The following DOCK3 variants were observed in gnomAD, a reference collection of about 807,000 sequenced individuals.
DOCK3 encodes the protein dedicator of cytokinesis protein 3.
DOCK3 carries 60 observed loss-of-function variants against 265.6 expected under a neutral mutation model. That is an observed-to-expected ratio of 0.23 (90% confidence interval 0.18 to 0.28). The LOEUF (loss-of-function observed/expected upper bound fraction) is 0.28, where lower values mean the gene tolerates loss of function less well. Ranked by LOEUF, DOCK3 falls within the 10% of genes least tolerant of loss-of-function variation. The pLI is 1.00. For missense variants in DOCK3, 1,981 were observed against 2,594.3 expected (o/e 0.76, Z 5.14); for synonymous variants, 881 against 938.0 (o/e 0.94, Z 1.11).
intron 22 of DOCK3, among the ~76,000 whole-genome samples, chr3:51,248,850 G>T (rs1408604939): frequency 7.5e-6 from 1 of 133,948 alleles, no homozygotes; most frequent in Admixed American, 7.3e-5. Context: ...CCGCCGCCCC[G>T]TCTGGGATGT....
intron 3 of DOCK3, among the ~76,000 whole-genome samples, chr3:50,889,181 C>T (rs1163540281): frequency 2.0e-5 from 3 of 151,290 alleles, no homozygotes; most frequent in Non-Finnish European, 2.9e-5. Context: ...ACTGTAGCCC[C>T]AAACTTCTGG....
intron 4 of DOCK3, among the ~76,000 whole-genome samples, chr3:50,898,332 T>A (rs2048992984): frequency 6.6e-6 from 1 of 152,224 alleles, no homozygotes; most frequent in African/African-American, 2.4e-5. Flanking sequence ...ATATCCCCTT[T>A]ATCACACTTT....
chr3:50,692,692 C>A (rs919529605), intron 1 of DOCK3, among the ~76,000 whole-genome samples: 7 of 152,254 alleles, frequency 4.6e-5, no homozygotes, highest in Admixed American at 4.6e-4. Flanking sequence ...TGCCTTTTCA[C>A]TGTGTTGATG....
In DOCK3 at chr3:51,091,583, T is replaced by C. The variant is rs1433466335; in HGVS notation, c.746+1199T>C. Among the ~76,000 whole-genome samples, 5 of 148,694 alleles carry C rather than the reference T, an allele frequency of 3.4e-5. No homozygotes were observed. The Middle Eastern group carries it at 0.011, about 321-fold the overall frequency. On this transcript the variant is annotated intron_variant, in intron 9 of 52. Coordinates refer to ENST00000266037, the MANE Select transcript of DOCK3 (RefSeq NM_004947.5). ...CTGTAAGCCCAGCTATTCAGGAGGC[T>C]GAGGCAGGAAAATCGCTTCAACCTG...
At chr3:51,379,909 A>G (rs1205706498) in intron 51 of DOCK3, among the ~76,000 whole-genome samples, 4 of 152,216 alleles carry the variant, frequency 2.6e-5, no homozygotes, top group African/African-American at 9.7e-5. Context: ...GAAGCACTCA[A>G]CTTCTCTGAC....
At chr3:50,925,829 T>TTTTTTTTTTTTTTTTTTG (rs2050727776) in intron 4 of DOCK3, among the ~76,000 whole-genome samples, 1 of 115,316 alleles carries the variant, frequency 8.7e-6, no homozygotes, top group Admixed American at 1.2e-4. Context: ...CTAGTCTTTT[T>TTTTTTTTTTTTTTTTTTG]TTTTTTTTTT....
chr3:51,196,749 A>G (rs113258435), intron 12 of DOCK3, among the ~76,000 whole-genome samples: 2,040 of 152,266 alleles, frequency 0.013, 53 homozygotes, highest in African/African-American at 0.045. Context: ...TTAAAAAACT[A>G]TGTCTTTGGT....
At chr3:51,234,245 A>G (rs1270087711) in intron 19 of DOCK3, among the ~76,000 whole-genome samples, 4 of 152,314 alleles carry the variant, frequency 2.6e-5, no homozygotes, top group Admixed American at 6.5e-5. Flanking sequence ...ATGATTAGTG[A>G]TGATGAGCAT....
intron 3 of DOCK3, among the ~76,000 whole-genome samples, chr3:50,882,628 A>G (rs1359711414): frequency 6.6e-6 from 1 of 152,198 alleles, no homozygotes; most frequent in African/African-American, 2.4e-5. Context: ...CAGGTATTGG[A>G]GAAGTTGTGG....
chr3:50,803,610 G>A (rs571220423), intron 2 of DOCK3, among the ~76,000 whole-genome samples: 21 of 125,260 alleles, frequency 1.7e-4, no homozygotes, highest in Admixed American at 9.8e-4. Context: ...ACGGGGTGGC[G>A]GCCGGGCAGA....
At chr3:50,843,378 A>C (rs2045932647) in intron 3 of DOCK3, among the ~76,000 whole-genome samples, 1 of 152,178 alleles carries the variant, frequency 6.6e-6, no homozygotes, top group Non-Finnish European at 1.5e-5. Flanking sequence ...TAGGCCACCA[A>C]GATAACCAGA....
chr3:50,964,818 A>G (rs1308087969), intron 5 of DOCK3, among the ~76,000 whole-genome samples: 1 of 152,148 alleles, frequency 6.6e-6, no homozygotes, highest in Non-Finnish European at 1.5e-5. Context: ...ATAATAAAAA[A>G]TGAACACACT....
At chr3:51,012,400 C>CTG (rs2078987992) in intron 5 of DOCK3, among the ~76,000 whole-genome samples, 1 of 152,304 alleles carries the variant, frequency 6.6e-6, no homozygotes, top group East Asian at 1.9e-4. Flanking sequence ...TCTCAGACTG[C>CTG]TGTGCTAGCA....
At chr3:50,984,809 T>A (rs1448826671) in intron 5 of DOCK3, among the ~76,000 whole-genome samples, 1 of 152,080 alleles carries the variant, frequency 6.6e-6, no homozygotes, top group African/African-American at 2.4e-5. Flanking sequence ...AAAAAATAAA[T>A]AAAACAAAAC....
intron 4 of DOCK3, among the ~76,000 whole-genome samples, chr3:50,927,834 T>G (rs2050844383): frequency 6.6e-6 from 1 of 152,120 alleles, no homozygotes; most frequent in Non-Finnish European, 1.5e-5. Flanking sequence ...GGGAAGGGGA[T>G]TATGAGGCAG....
chr3:51,278,297 C>T, intron 26 of DOCK3: 1 of 985,322 alleles, frequency 1.0e-6, no homozygotes, highest in South Asian at 4.7e-5. Flanking sequence ...AGAAGAGAAA[C>T]AAACTGGGAA....
intron 5 of DOCK3, among the ~76,000 whole-genome samples, chr3:50,942,026 A>G (rs2108246956): frequency 6.6e-6 from 1 of 152,172 alleles, no homozygotes; most frequent in South Asian, 2.1e-4. Flanking sequence ...AATGGAGTTA[A>G]TAATATTGTA....
intron 5 of DOCK3, among the ~76,000 whole-genome samples, chr3:50,997,643 C>T (rs1454859973): frequency 6.6e-6 from 1 of 152,034 alleles, no homozygotes; most frequent in Non-Finnish European, 1.5e-5. Flanking sequence ...CAGAAAGGAC[C>T]AAATTCCCCC....
intron 1 of DOCK3, among the ~76,000 whole-genome samples, chr3:50,747,887 G>A (rs2039552561): frequency 6.6e-6 from 1 of 151,080 alleles, no homozygotes; most frequent in Non-Finnish European, 1.5e-5. Context: ...GGGGGGTATT[G>A]TTTTTAAAAA....
Sources: gnomAD v4.1 joint callset for allele counts (sites outside exome capture counted in the v4.1 genomes callset) on GRCh38, gnomAD v4.1.1 for gene constraint, MANE v1.5 for transcripts, NCBI Gene and HGNC (gene_info 2026-07-23, HGNC 2026-07-21) for gene names.